NFIB: variants seen among roughly 807,000 people sequenced by gnomAD.
NFIB encodes the protein nuclear factor I B.
Under a neutral mutation model 61.5 loss-of-function variants are expected in NFIB, and 11 were observed. The ratio of observed to expected loss-of-function variants is 0.18; its 90% CI spans 0.11 to 0.30. The LOEUF (loss-of-function observed/expected upper bound fraction) is 0.30, where lower values mean the gene tolerates loss of function less well. Ranked by LOEUF, NFIB falls within the 10% of genes least tolerant of loss-of-function variation. The probability of loss-of-function intolerance (pLI) is 1.00; values close to 1 mark genes in which losing one functional copy is unlikely to be tolerated. For missense variants in NFIB, 471 were observed against 608.9 expected, an observed-to-expected ratio of 0.77 and a Z score of 2.38; for synonymous variants, 260 against 216.5, an observed-to-expected ratio of 1.20 and a Z score of -1.76.
the NFIB span, among the ~76,000 whole-genome samples, chr9:14,448,785 T>C: frequency 2.0e-5 from 3 of 152,190 alleles, no homozygotes; most frequent in Non-Finnish European, 4.4e-5. Context: ...ATCCCATGGA[T>C]AGCTGGTATC....
intron 2 of NFIB, chr9:14,300,215 AGAAG>A: frequency 2.5e-6 from 1 of 398,552 alleles, no homozygotes; most frequent in Non-Finnish European, 4.4e-6. Context: ...GAGCATGATC[AGAAG>A]GAAGCGTCTC....
At chr9:14,172,541 T>C (rs910481678) in intron 3 of NFIB, among the ~76,000 whole-genome samples, 1 of 152,250 alleles carries the variant, frequency 6.6e-6, no homozygotes, top group African/African-American at 2.4e-5. Context: ...CCTTTTCTCA[T>C]GTCAATACTG....
intron 10 of NFIB, among the ~76,000 whole-genome samples, chr9:14,112,532 C>T (rs747864393): frequency 7.9e-5 from 12 of 152,118 alleles, no homozygotes; most frequent in Non-Finnish European, 1.8e-4. Flanking sequence ...AATGAAGTGT[C>T]GCCTGAGATT....
rs77872462 is a variant in NFIB, at chr9:14,120,328, T to A, written c.1245+112A>T. ...CACCAAGCAACTTCCTGAAGATGGA[T>A]TTCAAGGCTTGACGTTCTGCCAGAC... is the stretch of plus-strand genomic sequence containing the variant. On this transcript the variant is annotated intron_variant, in intron 8 of 10. Transcript: ENST00000380953. The surrounding 1 kb of genome is among the most constrained non-coding windows in gnomAD (Gnocchi z 4.4). The A allele has an allele frequency of 1.4e-3, 1,639 of 1,192,090 alleles. 16 individuals carry two copies. In the African/African-American group the frequency reaches 0.023, roughly 17 times the overall value. 73.8% of individuals were successfully genotyped at this position (1,192,090 alleles called of 1,614,324 possible). A position where few individuals can be genotyped will look rare whatever the true frequency, so the allele number is the denominator to read the frequency against.
rs145108997 is a variant in NFIB at position 14,248,307 on chromosome 9, C to T, written c.562+58682G>A. Among the ~76,000 whole-genome samples the T allele has an allele frequency of 3.1e-4, 47 of 151,326 alleles. 1 individual carries two copies. In the East Asian group the frequency reaches 8.0e-3, roughly 26 times the overall value. On this transcript the variant is annotated intron_variant, in intron 2 of 10. Coordinates refer to ENST00000380953, the MANE Select transcript of NFIB (RefSeq NM_001190737.2). ...CCCTGCCCTCCCCTCTCCTCCACTC[C>T]CCTCCCCTCCCTTCCTTCCTTTCTT...
the NFIB span, among the ~76,000 whole-genome samples, chr9:14,464,409 C>T: frequency 6.6e-6 from 1 of 152,176 alleles, no homozygotes; most frequent in Non-Finnish European, 1.5e-5. Flanking sequence ...GCCAGGCTTT[C>T]ATCCAAACCT....
intron 1 of NFIB, among the ~76,000 whole-genome samples, chr9:14,390,275 T>C (rs1334528807): frequency 6.6e-6 from 1 of 152,192 alleles, no homozygotes; most frequent in Non-Finnish European, 1.5e-5. Flanking sequence ...TACTTTACCA[T>C]TCTAAGCTTC....
intron 2 of NFIB, among the ~76,000 whole-genome samples, chr9:14,180,244 A>G (rs2046618440): frequency 6.6e-6 from 1 of 152,248 alleles, no homozygotes; most frequent in Non-Finnish European, 1.5e-5. Context: ...CCATGATTTC[A>G]CACACAAGTA....
intron 3 of NFIB, among the ~76,000 whole-genome samples, chr9:14,176,174 C>T (rs1301376722): frequency 1.3e-5 from 2 of 151,282 alleles, no homozygotes; most frequent in South Asian, 4.2e-4. Flanking sequence ...TAATGGTTTA[C>T]CCTCATTTGG....
chr9:14,201,528 A>G (rs760896209), intron 2 of NFIB, among the ~76,000 whole-genome samples: 1 of 152,224 alleles, frequency 6.6e-6, no homozygotes, highest in Non-Finnish European at 1.5e-5. Flanking sequence ...TTCGTCTGTT[A>G]CAACCTTCCT....
At chr9:14,190,568 G>A (rs1172063099) in intron 2 of NFIB, among the ~76,000 whole-genome samples, 1 of 152,072 alleles carries the variant, frequency 6.6e-6, no homozygotes, top group African/African-American at 2.4e-5. Context: ...AATATACCAG[G>A]AATAAAACTA....
Position 14,113,091 on chromosome 9 carries a change from G to A in NFIB, c.1385-10C>T. ...CCTGAGGCTGTGTAGGCTGATTAAG[G>A]AAGAACAAAAACAAAGATAAAAATT... On this transcript the variant is annotated splice_polypyrimidine_tract_variant and intron_variant, in intron 9 of 10. Transcript: ENST00000380953. 1 of 1,546,548 alleles carries A rather than the reference G, an allele frequency of 6.5e-7. No homozygotes were observed. The highest frequency in any genetic ancestry group is 8.7e-7 in the Non-Finnish European group (1 of 1,145,286).
intron 2 of NFIB, among the ~76,000 whole-genome samples, chr9:14,232,519 C>T (rs192107098): frequency 6.6e-6 from 1 of 152,234 alleles, no homozygotes; most frequent in East Asian, 1.9e-4. Flanking sequence ...TAAACAAAAG[C>T]CATCAGATTT....
At chr9:14,430,487 C>T in the NFIB span, among the ~76,000 whole-genome samples, 1 of 152,210 alleles carries the variant, frequency 6.6e-6, no homozygotes, top group Admixed American at 6.5e-5. Context: ...TGATCAAAAT[C>T]AGGATTCTGT....
chr9:14,462,440 G>A, the NFIB span, among the ~76,000 whole-genome samples: 1 of 151,802 alleles, frequency 6.6e-6, no homozygotes, highest in Non-Finnish European at 1.5e-5. Flanking sequence ...CCGCCACCAC[G>A]CCCGGCTAAT....
upstream of NFIB, among the ~76,000 whole-genome samples, chr9:14,315,965 C>T (rs2060528068): frequency 6.6e-6 from 1 of 151,958 alleles, no homozygotes; most frequent in East Asian, 2.0e-4. Flanking sequence ...TGGGGCGTTT[C>T]GAGGCTCGCC....
At chr9:14,524,990 G>T in the NFIB span, among the ~76,000 whole-genome samples, 2 of 152,196 alleles carry the variant, frequency 1.3e-5, no homozygotes, top group Non-Finnish European at 2.9e-5. Flanking sequence ...CCTGAAAATG[G>T]AAACATTTTG....
At chr9:14,466,181 G>C in the NFIB span, among the ~76,000 whole-genome samples, 2 of 152,186 alleles carry the variant, frequency 1.3e-5, no homozygotes, top group Non-Finnish European at 2.9e-5. Context: ...CACTGTCAAG[G>C]CCTGTCTGGG....
At chr9:14,452,561 CT>C in the NFIB span, among the ~76,000 whole-genome samples, 4 of 152,098 alleles carry the variant, frequency 2.6e-5, no homozygotes, top group East Asian at 7.8e-4. Context: ...ATACATCAAT[CT>C]TGTATTTCTT....
Sources: gnomAD v4.1 joint callset for allele counts (sites outside exome capture counted in the v4.1 genomes callset) on GRCh38, gnomAD v4.1.1 for gene constraint, Gnocchi (gnomAD v3.1) non-coding constraint, MANE v1.5 for transcripts, NCBI Gene and HGNC (gene_info 2026-07-23, HGNC 2026-07-21) for gene names.